NEMP2: variants seen among roughly 807,000 people sequenced by gnomAD.
NEMP2 encodes the protein nuclear envelope integral membrane protein 2.
A neutral mutation model predicts 54.2 loss-of-function variants in NEMP2; 53 were observed. That is an observed-to-expected ratio of 0.98 (90% CI 0.78 to 1.23). The LOEUF (loss-of-function observed/expected upper bound fraction) is 1.23. Ranked by LOEUF, NEMP2 falls within the 50% of genes most tolerant of loss-of-function variation. The probability of loss-of-function intolerance (pLI) is 0.00; values close to 1 mark genes in which losing one functional copy is unlikely to be tolerated. For missense variants in NEMP2, 455 were observed against 511.3 expected, an observed-to-expected ratio of 0.89 and a Z score of 1.06; for synonymous variants, 197 against 190.3, an observed-to-expected ratio of 1.04 and a Z score of -0.29.
chr2:190,635,326 C>A, the NEMP2 span, among the ~76,000 whole-genome samples: 6 of 152,206 alleles, frequency 3.9e-5, no homozygotes, highest in Non-Finnish European at 5.9e-5. This position sits in a 1 kb window ranked among gnomAD's most constrained non-coding sequence, Gnocchi z 4.1. Flanking sequence ...AAGGAATCCT[C>A]CCACCTCAGC....
the NEMP2 span, among the ~76,000 whole-genome samples, chr2:190,430,818 G>A: frequency 4.7e-5 from 6 of 127,388 alleles, no homozygotes; most frequent in African/African-American, 1.5e-4. Context: ...CCTCCCTCCC[G>A]GACGGGGCGG....
rs565378108 is a variant in NEMP2 at position 190,523,929 on chromosome 2, G to A, written c.213+1334C>T. ...TGTAAATGGAATAATGGTGCCAGGC[G>A]CAGTGGCTTGCGCCTGTAATCCCAG... On this transcript the variant is annotated intron_variant, in intron 2 of 8. Coordinates refer to ENST00000409150, the MANE Select transcript of NEMP2 (RefSeq NM_001142645.2). The surrounding 1 kb of genome is among the most constrained non-coding windows in gnomAD (Gnocchi z 5.3). Among the ~76,000 whole-genome samples the A allele has an allele frequency of 6.6e-6, 1 of 152,172 alleles. No individual in the cohort carries two copies. The highest frequency in any genetic ancestry group is 1.9e-4 in the East Asian group (1 of 5,176).
the NEMP2 span, among the ~76,000 whole-genome samples, chr2:190,631,436 C>T: frequency 6.6e-6 from 1 of 152,112 alleles, no homozygotes; most frequent in African/African-American, 2.4e-5. Context: ...GTTACAAGAT[C>T]AAGTGGTTTT....
the NEMP2 span, among the ~76,000 whole-genome samples, chr2:190,495,995 CTTAA>C: frequency 6.6e-6 from 1 of 152,034 alleles, no homozygotes; most frequent in Non-Finnish European, 1.5e-5. The surrounding 1 kb of genome is among the most constrained non-coding windows in gnomAD (Gnocchi z 4.7). Flanking sequence ...ATAGATGGGA[CTTAA>C]TTAAACTAAA....
At chr2:190,556,803 C>A in the NEMP2 span, among the ~76,000 whole-genome samples, 4 of 152,126 alleles carry the variant, frequency 2.6e-5, no homozygotes, top group African/African-American at 9.7e-5. Context: ...GAACTACAAA[C>A]CACTGCTCAA....
the NEMP2 span, among the ~76,000 whole-genome samples, chr2:190,559,351 G>A: frequency 6.6e-6 from 1 of 152,218 alleles, no homozygotes. This position sits in a 1 kb window ranked among gnomAD's most constrained non-coding sequence, Gnocchi z 4.0. Context: ...TGCAGCTCAG[G>A]AAGAAGGTGT....
Position 190,514,618 on chromosome 2 carries a change from G to A in NEMP2, c.788C>T (p.Ala263Val). ...CAGAAGACTTCTGCTCCTGTCGTCTGCAAGGGGCCCATGCTTGTAACAAAC... is the reference window on the plus strand; with the variant it reads ...CAGAAGACTTCTGCTCCTGTCGTCTACAAGGGGCCCATGCTTGTAACAAAC... The part of the protein sequence containing the change: ...FVVCYKHGPL[A>V]DDRSRSLLMW... Residue 263 changes from alanine (A) to valine (V), a missense_variant, in exon 7 of 9, where the codon GCA becomes GTA. By Grantham distance (64) the Ala-to-Val change is moderately conservative. Around this residue, in one of 3 missense-constraint regions of NEMP2, gnomAD observed 294 missense variants for 333.6 expected, o/e 0.88. Transcript: ENST00000409150. This position sits in a 1 kb window ranked among gnomAD's most constrained non-coding sequence, Gnocchi z 5.7. The A allele has an allele frequency of 6.4e-7, 1 of 1,551,722 alleles. No homozygotes were observed. Among genetic ancestry groups the A allele is most frequent in the Non-Finnish European group, 8.7e-7 (1 of 1,147,008 alleles).
the NEMP2 span, among the ~76,000 whole-genome samples, chr2:190,541,294 G>A: frequency 6.6e-6 from 1 of 151,724 alleles, no homozygotes; most frequent in Non-Finnish European, 1.5e-5. This position sits in a 1 kb window ranked among gnomAD's most constrained non-coding sequence, Gnocchi z 5.2. Context: ...GTTCCTTCTA[G>A]TTCCTTTCTA....
rs901033713 is a variant in NEMP2, at chr2:190,525,557, C to T, written c.98-179G>A. ...CCAAGGAGGAGACAGATAGAAAATA[C>T]GATAGCCCAAGTGTCAATATTTATG... is the stretch of plus-strand genomic sequence containing the variant. On this transcript the variant is annotated intron_variant, in intron 1 of 8. Coordinates refer to ENST00000409150, the MANE Select transcript of NEMP2 (RefSeq NM_001142645.2). This position sits in a 1 kb window ranked among gnomAD's most constrained non-coding sequence, Gnocchi z 5.0. 4.6e-5 allele frequency among the ~76,000 whole-genome samples: 7 copies of T among 151,984 alleles called. No individual in the cohort carries two copies. Among genetic ancestry groups the T allele is most frequent in the African/African-American group, 1.7e-4 (7 of 41,348 alleles).
the NEMP2 span, among the ~76,000 whole-genome samples, chr2:190,647,457 T>C: frequency 6.6e-6 from 1 of 152,150 alleles, no homozygotes; most frequent in Non-Finnish European, 1.5e-5. Flanking sequence ...ATCAGCGAAG[T>C]AGGCACACTC....
the NEMP2 span, among the ~76,000 whole-genome samples, chr2:190,639,295 G>T: frequency 6.6e-6 from 1 of 152,004 alleles, no homozygotes; most frequent in Non-Finnish European, 1.5e-5. Flanking sequence ...GTGTCAGATG[G>T]TAGACCCTCA....
upstream of NEMP2, among the ~76,000 whole-genome samples, chr2:190,536,166 C>A (rs947084546): frequency 1.3e-5 from 2 of 152,094 alleles, no homozygotes; most frequent in Non-Finnish European, 2.9e-5. Flanking sequence ...AATATTTTTC[C>A]GGAGATAACA....
At chr2:190,499,070 C>T in the NEMP2 span, among the ~76,000 whole-genome samples, 369 of 152,262 alleles carry the variant, frequency 2.4e-3, 1 homozygote, top group African/African-American at 8.4e-3. The surrounding 1 kb of genome is among the most constrained non-coding windows in gnomAD (Gnocchi z 6.0). Flanking sequence ...ATTGCTTGAA[C>T]CCAGCAGGAG....
the NEMP2 span, chr2:190,437,261 T>C: frequency 7.4e-6 from 12 of 1,614,104 alleles, no homozygotes; most frequent in Non-Finnish European, 9.3e-6. The surrounding 1 kb of genome is among the most constrained non-coding windows in gnomAD (Gnocchi z 5.9). Context: ...ATCCCGCAGG[T>C]GGAAAGGAAC....
the NEMP2 span, among the ~76,000 whole-genome samples, chr2:190,564,631 G>T: frequency 2.6e-5 from 4 of 152,152 alleles, no homozygotes; most frequent in African/African-American, 4.8e-5. This position sits in a 1 kb window ranked among gnomAD's most constrained non-coding sequence, Gnocchi z 4.2. Context: ...CTAAAGCAAA[G>T]CTTCTCACGT....
At chr2:190,479,440 T>C in the NEMP2 span, among the ~76,000 whole-genome samples, 1 of 152,184 alleles carries the variant, frequency 6.6e-6, no homozygotes, top group Non-Finnish European at 1.5e-5. Context: ...GTGGTGGTGG[T>C]GAATAGTTTA....
Position 190,529,247 on chromosome 2 carries a change from A to G in NEMP2, c.98-3869T>C, listed in dbSNP as rs193055859. On this transcript the variant is annotated intron_variant, in intron 1 of 8. Transcript: ENST00000409150. The surrounding 1 kb of genome is among the most constrained non-coding windows in gnomAD (Gnocchi z 4.7). The stretch of plus-strand genomic sequence containing the variant: ...ATCATTTACCTGCTTAAAACCCTCC[A>G]ATGGTTTCCTTTTACACCATTAATA... Among the ~76,000 whole-genome samples the G allele has an allele frequency of 6.0e-4, 91 of 152,134 alleles. No individual in the cohort carries two copies. Among genetic ancestry groups the G allele is most frequent in the African/African-American group, 2.1e-3 (89 of 41,476 alleles).
At chr2:190,586,714 G>T in the NEMP2 span, among the ~76,000 whole-genome samples, 2 of 151,990 alleles carry the variant, frequency 1.3e-5, no homozygotes, top group Non-Finnish European at 2.9e-5. This position sits in a 1 kb window ranked among gnomAD's most constrained non-coding sequence, Gnocchi z 4.5. Context: ...CTTCAATGAA[G>T]AATTCTGTTA....
At chr2:190,567,730 C>A in the NEMP2 span, among the ~76,000 whole-genome samples, 4 of 152,162 alleles carry the variant, frequency 2.6e-5, no homozygotes. This position sits in a 1 kb window ranked among gnomAD's most constrained non-coding sequence, Gnocchi z 4.0. Flanking sequence ...CTCACTGCAA[C>A]CTCTGCCTCT....
Sources: allele counts gnomAD v4.1 joint callset (sites outside exome capture counted in the v4.1 genomes callset), GRCh38; gene constraint gnomAD v4.1.1; regional missense constraint gnomAD v4.1.1; non-coding constraint Gnocchi (gnomAD v3.1); transcripts MANE v1.5; gene names NCBI Gene and HGNC (gene_info 2026-07-23, HGNC 2026-07-21).